The following ADAMTS20 variants were observed in gnomAD, a reference collection of about 807,000 sequenced individuals.
The protein encoded by ADAMTS20 is A disintegrin and metalloproteinase with thrombospondin motifs 20.
ADAMTS20 carries 225 observed loss-of-function variants against 260.1 expected under a neutral mutation model. That is an observed-to-expected ratio of 0.87 (90% CI 0.78 to 0.97). The LOEUF (loss-of-function observed/expected upper bound fraction) is 0.97, where lower values mean the gene tolerates loss of function less well. Ranked by LOEUF, ADAMTS20 falls within the 50% of genes least tolerant of loss-of-function variation. ADAMTS20 has a pLI of 0.00. For missense variants in ADAMTS20, 2,400 were observed against 2,337.7 expected (o/e 1.03, Z -0.55); for synonymous variants, 802 against 769.5 (o/e 1.04, Z -0.70).
intron 36 of ADAMTS20, among the ~76,000 whole-genome samples, chr12:43,371,551 G>A (rs1355771348): frequency 6.6e-6 from 1 of 152,164 alleles, no homozygotes; most frequent in East Asian, 1.9e-4. Context: ...GGTGGAGAGT[G>A]GTTCTGGATG....
chr12:43,428,158 T>C, intron 26 of ADAMTS20, 83 bp downstream of exon 26: 1 of 1,346,732 alleles, frequency 7.4e-7, no homozygotes, highest in East Asian at 2.3e-5. Context: ...TTTAAAGTAC[T>C]GATGGCATCA....
chr12:43,432,224 T>G, intron 21 of ADAMTS20, 80 bp downstream of exon 21: 2 of 1,421,186 alleles, frequency 1.4e-6, no homozygotes, highest in South Asian at 2.8e-5. Flanking sequence ...TAAGCACTTT[T>G]AAATTTTGTA....
intron 31 of ADAMTS20, 53 bp downstream of exon 31, chr12:43,383,505 T>C: frequency 1.3e-6 from 2 of 1,520,658 alleles, no homozygotes; most frequent in Non-Finnish European, 1.8e-6. Flanking sequence ...AAATTGTAGA[T>C]CCAGCTGTTT....
intron 7 of ADAMTS20, among the ~76,000 whole-genome samples, chr12:43,471,962 A>C (rs1336524164): frequency 2.7e-5 from 4 of 150,782 alleles, no homozygotes; most frequent in Non-Finnish European, 4.4e-5. Flanking sequence ...GTTCCTCACC[A>C]GCAACGGAAC....
chr12:43,403,142 G>C (rs143999887), intron 28 of ADAMTS20, among the ~76,000 whole-genome samples: 1 of 152,136 alleles, frequency 6.6e-6, no homozygotes, highest in East Asian at 1.9e-4. Flanking sequence ...CCTCTAACAT[G>C]ATAACTTTGG....
At chr12:43,369,235 G>T (rs911833711) in intron 37 of ADAMTS20, 55 bp downstream of exon 37, 2 of 1,104,694 alleles carry the variant, frequency 1.8e-6, no homozygotes, top group African/African-American at 1.7e-5. Context: ...TGAATGAAGA[G>T]AAGCTATAAT....
At chr12:43,484,015 C>T (rs1408555222) in intron 7 of ADAMTS20, among the ~76,000 whole-genome samples, 1 of 152,194 alleles carries the variant, frequency 6.6e-6, no homozygotes, top group Middle Eastern at 3.2e-3. Context: ...ATCACTACGA[C>T]TACCAGCATC....
At chr12:43,539,697 A>T (rs1466676095) in intron 2 of ADAMTS20, among the ~76,000 whole-genome samples, 1 of 152,138 alleles carries the variant, frequency 6.6e-6, no homozygotes, top group African/African-American at 2.4e-5. Context: ...GAGTACATGG[A>T]TCCATGGAAA....
At chr12:43,493,105 T>C in intron 5 of ADAMTS20, 65 bp downstream of exon 5, 1 of 1,053,218 alleles carries the variant, frequency 9.5e-7, no homozygotes, top group Non-Finnish European at 1.4e-6. Flanking sequence ...AGTTCCATAA[T>C]CTCTACGTAT....
intron 23 of ADAMTS20, 61 bp from the exon 24 acceptor site, chr12:43,429,785 TA>T: frequency 9.3e-7 from 1 of 1,075,470 alleles, no homozygotes; most frequent in Non-Finnish European, 1.3e-6. Flanking sequence ...ATACAAAATC[TA>T]ATACTTCACT....
chr12:43,468,777 A>T, intron 7 of ADAMTS20, 72 bp from the exon 8 acceptor site: 2 of 883,066 alleles, frequency 2.3e-6, no homozygotes, highest in South Asian at 3.1e-5. Context: ...TTAATTTTGA[A>T]GCATTTAACC....
chr12:43,376,627 T>A lies in ADAMTS20; in HGVS notation c.5022A>T (p.Ile1674=). The A allele has an allele frequency of 1.2e-6, 2 of 1,613,162 alleles. No individual in the cohort carries two copies. Among genetic ancestry groups the A allele is most frequent in the Non-Finnish European group, 1.7e-6 (2 of 1,179,596 alleles). The change falls in exon 33 of 39, where the codon ATA becomes ATT. Residue 1674 remains isoleucine (I), a synonymous_variant. Transcript: ENST00000389420. Reference sequence around the variant, plus strand: ...TAATGCATTTCACTTGTCTCTTCATTATCCCAATTCCACAAGTCACTGAGC... The same window carrying A: ...TAATGCATTTCACTTGTCTCTTCATAATCCCAATTCCACAAGTCACTGAGC... ...SKCSVTCGIG[I]MKRQVKCITK... is the part of the protein sequence containing the mutation.
At chr12:43,502,058 T>C in intron 4 of ADAMTS20, 94 bp downstream of exon 4, 3 of 1,232,942 alleles carry the variant, frequency 2.4e-6, no homozygotes, top group Non-Finnish European at 2.2e-6. Flanking sequence ...AAATTACATC[T>C]AAAGAGTTTG....
In ADAMTS20 at chr12:43,429,637, G is replaced by T; in HGVS notation, c.3469C>A (p.Arg1157=). The part of the protein sequence containing the change: ...TVLIKKMAQW[R]HGSWTPCSVS... ...CTTACTGGGGTCCAAGAACCATGTC[G>T]CCATTGTGCCATCTTTTTTATGAGA... The change falls in exon 24 of 39, where the codon CGA becomes AGA. Residue 1157 remains arginine (R), a synonymous_variant. Transcript: ENST00000389420. The T allele has an allele frequency of 6.3e-7, 1 of 1,595,640 alleles. No homozygotes were observed.
chr12:43,359,564 A>C (rs1467042413), intron 37 of ADAMTS20, among the ~76,000 whole-genome samples: 1 of 152,230 alleles, frequency 6.6e-6, no homozygotes, highest in Non-Finnish European at 1.5e-5. Context: ...ACAAAAGAAG[A>C]ATGAAGCTGG....
chr12:43,452,540 A>C lies in ADAMTS20; in HGVS notation c.1916T>G (p.Val639Gly). The change falls in exon 13 of 39, where the codon GTG becomes GGG. Residue 639 changes from valine (V) to glycine (G), a missense_variant. Physicochemically the swap from Val to Gly is moderately radical, Grantham distance 109. Coordinates refer to ENST00000389420, the MANE Select transcript of ADAMTS20 (RefSeq NM_025003.5). Reference protein sequence around the residue: ...HLDISGIPSNVRWLPRYSGIG... With the variant: ...HLDISGIPSNGRWLPRYSGIG... ...GCCACTGTATCTTGGAAGCCACCTC[A>C]CATTAGAGGGAATGCCACTGATGTC... 1 of 1,612,778 alleles carries C rather than the reference A, an allele frequency of 6.2e-7. No homozygotes were observed. Among genetic ancestry groups the C allele is most frequent in the Non-Finnish European group, 8.5e-7 (1 of 1,179,162 alleles).
At chr12:43,484,002 C>T (rs534916032) in intron 7 of ADAMTS20, among the ~76,000 whole-genome samples, 1 of 152,118 alleles carries the variant, frequency 6.6e-6, no homozygotes, top group African/African-American at 2.4e-5. Context: ...ATAGACCCAC[C>T]ACATCACTAC....
intron 7 of ADAMTS20, among the ~76,000 whole-genome samples, chr12:43,478,513 A>C (rs1465180464): frequency 6.6e-6 from 1 of 152,166 alleles, no homozygotes; most frequent in Non-Finnish European, 1.5e-5. Flanking sequence ...GAAGATAAAC[A>C]GTAGATATAG....
intron 7 of ADAMTS20, among the ~76,000 whole-genome samples, chr12:43,472,808 G>T (rs1343400391): frequency 6.6e-6 from 1 of 151,206 alleles, no homozygotes; most frequent in African/African-American, 2.4e-5. Flanking sequence ...TCACCACCAA[G>T]CCTGCCCTAA....
Sources: gnomAD v4.1 joint callset for allele counts (sites outside exome capture counted in the v4.1 genomes callset) on GRCh38, gnomAD v4.1.1 for gene constraint, MANE v1.5 for transcripts, NCBI Gene and HGNC (gene_info 2026-07-23, HGNC 2026-07-21) for gene names.